Variants in PAK2 observed in about 807,000 individuals in gnomAD.
PAK2 encodes the protein p21 (RAC1) activated kinase 2.
Under a neutral mutation model 65.9 loss-of-function variants are expected in PAK2, and 21 were observed. The ratio of observed to expected loss-of-function variants is 0.32; its 90% confidence interval spans 0.23 to 0.46. PAK2 has a LOEUF of 0.46. Among genes scored for constraint, PAK2 ranks in the 20% least tolerant of loss-of-function variants. PAK2 has a pLI of 1.00. For synonymous variants in PAK2, 204 were observed against 219.7 expected (o/e 0.93, Z 0.63); for missense variants, 324 against 642.6 (o/e 0.50, Z 5.36).
intron 2 of PAK2, among the ~76,000 whole-genome samples, chr3:196,793,146 C>T (rs1057403318): frequency 2.6e-5 from 4 of 152,044 alleles, no homozygotes; most frequent in Admixed American, 2.6e-4. Flanking sequence ...CCTTTACACC[C>T]CACACATCCA....
At chr3:196,740,546 G>C (rs1713155515) in intron 1 of PAK2, among the ~76,000 whole-genome samples, 1 of 152,134 alleles carries the variant, frequency 6.6e-6, no homozygotes, top group African/African-American at 2.4e-5. Flanking sequence ...TTTGTTCCTT[G>C]ATTTTTCCTC....
In PAK2 at chr3:196,806,663, C is replaced by G. The variant is rs917745888; in HGVS notation, c.553C>G (p.Pro185Ala). 3.7e-6 allele frequency: 6 copies of G among 1,607,142 alleles called. No homozygotes were observed. The highest frequency in any genetic ancestry group is 5.1e-6 in the Non-Finnish European group (6 of 1,173,754). The change falls in exon 6 of 15, where the codon CCG (proline) becomes GCG (alanine). Residue 185 changes from proline to alanine, a missense_variant. This residue lies in a region of PAK2 where 183 missense variants were observed against 246.2 expected (regional missense o/e 0.74). Coordinates refer to ENST00000327134, the MANE Select transcript of PAK2 (RefSeq NM_002577.4). Reference protein sequence around the residue: ...DEETAPPVIAPRPDHTKSIYT... With the variant: ...DEETAPPVIAARPDHTKSIYT... Reference sequence around the variant, plus strand: ...AGAGACTGCTCCTCCCGTTATTGCCCCGCGACCGGATCATACGAAATCAGT... The same window carrying G: ...AGAGACTGCTCCTCCCGTTATTGCCGCGCGACCGGATCATACGAAATCAGT...
chr3:196,819,199 T>G (rs989426198), intron 12 of PAK2, among the ~76,000 whole-genome samples: 3 of 152,162 alleles, frequency 2.0e-5, no homozygotes, highest in African/African-American at 2.4e-5. Context: ...CCCAGCACTT[T>G]GGGAGGTCGA....
chr3:196,778,269 C>A (rs1419717037), intron 1 of PAK2, among the ~76,000 whole-genome samples: 1 of 152,116 alleles, frequency 6.6e-6, no homozygotes, highest in Non-Finnish European at 1.5e-5. Context: ...ATGGATACAC[C>A]ACGTTTTGTG....
chr3:196,820,612 A>G lies in PAK2; in HGVS notation c.1350+45A>G, dbSNP rs1711612529. On this transcript the variant is annotated intron_variant, in intron 13 of 14. Transcript: ENST00000327134. The surrounding 1 kb of genome is among the most constrained non-coding windows in gnomAD (Gnocchi z 4.6). Reference sequence around the variant, plus strand: ...AGCCTTGTTCAATGTTTTTCTTTGAAACTCTTATTTAGAACTTGCACGTGC... The same window carrying G: ...AGCCTTGTTCAATGTTTTTCTTTGAGACTCTTATTTAGAACTTGCACGTGC... 8.7e-7 allele frequency: 1 copy of G among 1,151,158 alleles called. No homozygotes were observed. The highest frequency in any genetic ancestry group is 1.2e-6 in the Non-Finnish European group (1 of 815,348). The allele number at this position is 1,151,158 out of a possible 1,614,324, so 71.3% of individuals were successfully genotyped here.
chr3:196,792,877 C>A (rs977058922), intron 2 of PAK2, among the ~76,000 whole-genome samples: 1 of 152,000 alleles, frequency 6.6e-6, no homozygotes, highest in South Asian at 2.1e-4. Context: ...AAAGAGGCTT[C>A]AGTACACATT....
intron 1 of PAK2, among the ~76,000 whole-genome samples, chr3:196,752,936 A>G (rs927218297): frequency 6.6e-6 from 1 of 151,468 alleles, no homozygotes; most frequent in African/African-American, 2.4e-5. Flanking sequence ...CAAGCTCACC[A>G]TGGAGGTGAA....
At position 196,806,706 on chromosome 3, in the gene PAK2, C is replaced by G. The variant is rs759776781; in HGVS notation, c.576+20C>G. The stretch of plus-strand genomic sequence containing the variant: ...AAATCAGTGAGTCTCCATCGGTGAT[C>G]TAGGCTGTGTGTGTGCACGTGTGTT... On this transcript the variant is annotated intron_variant, in intron 6 of 14. Transcript: ENST00000327134. 7.3e-7 allele frequency: 1 copy of G among 1,376,218 alleles called. No homozygotes were observed. Among genetic ancestry groups the G allele is most frequent in the South Asian group, 1.2e-5 (1 of 86,380 alleles). 85.3% of individuals were successfully genotyped at this position (1,376,218 alleles called of 1,614,324 possible). A position where few individuals can be genotyped will look rare whatever the true frequency, so the allele number is the denominator to read the frequency against.
chr3:196,788,373 A>G (rs1416608515), intron 2 of PAK2, among the ~76,000 whole-genome samples: 1 of 152,232 alleles, frequency 6.6e-6, no homozygotes, highest in African/African-American at 2.4e-5. Context: ...TTACTAAAAA[A>G]ACAGCTAATA....
At position 196,807,802 on chromosome 3, in the gene PAK2, T is replaced by C. The variant is rs191988670; in HGVS notation, c.597T>C (p.Ile199=). The C allele has an allele frequency of 1.2e-6, 2 of 1,607,772 alleles. No homozygotes were observed. Among genetic ancestry groups the C allele is most frequent in the Admixed American group, 1.7e-5 (1 of 59,842 alleles). ...CACAGATTTACACACGGTCTGTAATTGACCCTGTTCCTGCACCAGTTGGTG... is the reference window on the plus strand; with the variant it reads ...CACAGATTTACACACGGTCTGTAATCGACCCTGTTCCTGCACCAGTTGGTG... The part of the protein sequence containing the change: ...HTKSIYTRSV[I]DPVPAPVGDS... The change falls in exon 7 of 15, where the codon ATT becomes ATC. Residue 199 remains isoleucine (I), a synonymous_variant. Transcript: ENST00000327134.
intron 1 of PAK2, among the ~76,000 whole-genome samples, chr3:196,764,045 T>A (rs1714074169): frequency 6.6e-6 from 1 of 151,206 alleles, no homozygotes; most frequent in Non-Finnish European, 1.5e-5. Flanking sequence ...TGACCTCAGG[T>A]GATCCACCTG....
intron 13 of PAK2, among the ~76,000 whole-genome samples, chr3:196,826,746 C>T (rs1487392855): frequency 6.6e-6 from 1 of 151,798 alleles, no homozygotes; most frequent in African/African-American, 2.4e-5. Context: ...TATGATGAAA[C>T]CCCACCTCTA....
rs1434429124 is a variant in PAK2 at position 196,761,762 on chromosome 3, C to T, written c.-21-20864C>T. Among the ~76,000 whole-genome samples the T allele has an allele frequency of 1.9e-3, 285 of 146,948 alleles. 1 individual carries two copies. Among genetic ancestry groups the T allele is most frequent in the African/African-American group, 6.7e-3 (271 of 40,164 alleles). The stretch of plus-strand genomic sequence containing the variant: ...GCAGAGGCGCCCCTCACCTCCCGGA[C>T]GGGGCGGCTGGCCGGGCGGGGGGCT... On this transcript the variant is annotated intron_variant, in intron 1 of 14. Transcript: ENST00000327134.
At chr3:196,770,149 T>G (rs1714316392) in intron 1 of PAK2, among the ~76,000 whole-genome samples, 1 of 151,878 alleles carries the variant, frequency 6.6e-6, no homozygotes, top group Non-Finnish European at 1.5e-5. Context: ...TCCAGCTACT[T>G]AGGAGGCTGA....
intron 1 of PAK2, among the ~76,000 whole-genome samples, chr3:196,740,617 A>G (rs1047905953): frequency 1.3e-5 from 2 of 152,046 alleles, no homozygotes; most frequent in Non-Finnish European, 2.9e-5. Context: ...GCTCAGGAAT[A>G]TTGTCGCGAG....
At chr3:196,749,989 CTTT>C (rs199605682) in intron 1 of PAK2, among the ~76,000 whole-genome samples, 1 of 141,376 alleles carries the variant, frequency 7.1e-6, no homozygotes. Context: ...CTGGCTATTT[CTTT>C]TTTTTTTTTT....
At chr3:196,821,891 A>G (rs879291578) in intron 13 of PAK2, among the ~76,000 whole-genome samples, 3 of 152,232 alleles carry the variant, frequency 2.0e-5, no homozygotes, top group Non-Finnish European at 2.9e-5. Flanking sequence ...ACCTTCATGC[A>G]GCCACAGAAG....
rs369880728 is a variant in PAK2, at chr3:196,782,524, A to G, written c.-21-102A>G. The G allele has an allele frequency of 1.3e-5, 8 of 624,118 alleles. No individual in the cohort carries two copies. In the African/African-American group the frequency reaches 1.3e-4, roughly 10 times the overall value. The allele number at this position is 624,118 out of a possible 1,614,324, so 38.7% of individuals were successfully genotyped here. ...TTGCAAATGTCACTATAAATGGATAATATTTTCTAATTGGGAGTTGTGGCA... is the reference window on the plus strand; with the variant it reads ...TTGCAAATGTCACTATAAATGGATAGTATTTTCTAATTGGGAGTTGTGGCA... On this transcript the variant is annotated intron_variant, in intron 1 of 14. Transcript: ENST00000327134.
intron 8 of PAK2, among the ~76,000 whole-genome samples, chr3:196,811,480 C>T (rs530736435): frequency 7.6e-6 from 1 of 132,048 alleles, no homozygotes; most frequent in South Asian, 2.6e-4. Flanking sequence ...CTCCCGGGTT[C>T]AAACGATTCT....
Sources: gnomAD v4.1 joint callset for allele counts (sites outside exome capture counted in the v4.1 genomes callset) on GRCh38, gnomAD v4.1.1 for gene constraint, gnomAD v4.1.1 regional missense constraint, Gnocchi (gnomAD v3.1) non-coding constraint, MANE v1.5 for transcripts, NCBI Gene and HGNC (gene_info 2026-07-23, HGNC 2026-07-21) for gene names.